The following AGBL4 variants were observed in gnomAD, a reference collection of about 807,000 sequenced individuals.
The protein encoded by AGBL4 is AGBL carboxypeptidase 4.
Under a neutral mutation model 66.4 loss-of-function variants are expected in AGBL4, and 58 were observed. The ratio of observed to expected loss-of-function variants is 0.87; its 90% CI spans 0.71 to 1.09. The LOEUF (loss-of-function observed/expected upper bound fraction) is 1.09. AGBL4 is among the 50% of genes least tolerant of loss of function. The pLI, the probability that AGBL4 is intolerant of heterozygous loss-of-function variation, is 0.00. For synonymous variants in AGBL4, 234 were observed against 222.9 expected (o/e 1.05, Z -0.44); for missense variants, 579 against 631.0 (o/e 0.92, Z 0.88).
intron 5 of AGBL4, among the ~76,000 whole-genome samples, chr1:49,041,773 G>A (rs1643948825): frequency 6.6e-6 from 1 of 152,048 alleles, no homozygotes; most frequent in Admixed American, 6.6e-5. Flanking sequence ...TGAAAATCAG[G>A]GCTTTCCAGA....
At chr1:49,387,559 C>A (rs772871606) in intron 3 of AGBL4, among the ~76,000 whole-genome samples, 5 of 151,764 alleles carry the variant, frequency 3.3e-5, no homozygotes, top group Admixed American at 6.6e-5. Flanking sequence ...TAATAGATAC[C>A]CAAACTGAAA....
intron 3 of AGBL4, among the ~76,000 whole-genome samples, chr1:49,673,748 A>T (rs1646525916): frequency 6.6e-6 from 1 of 152,078 alleles, no homozygotes. Flanking sequence ...GTAACAAATA[A>T]AATGGCCTCC....
chr1:49,405,770 G>A (rs1645182840), intron 3 of AGBL4, among the ~76,000 whole-genome samples: 1 of 152,196 alleles, frequency 6.6e-6, no homozygotes, highest in African/African-American at 2.4e-5. Flanking sequence ...AATATCATGG[G>A]TGTGTGGAAG....
intron 3 of AGBL4, among the ~76,000 whole-genome samples, chr1:49,470,544 G>A (rs563547453): frequency 6.6e-6 from 1 of 152,060 alleles, no homozygotes; most frequent in East Asian, 1.9e-4. Flanking sequence ...GACTCTGGAG[G>A]CAGAGCTAGG....
At chr1:48,880,082 G>A (rs1649632132) in intron 5 of AGBL4, among the ~76,000 whole-genome samples, 1 of 152,126 alleles carries the variant, frequency 6.6e-6, no homozygotes, top group Non-Finnish European at 1.5e-5. Context: ...AGTATACACT[G>A]AACTCTGTTT....
At chr1:49,982,079 G>A (rs1268276577) in intron 1 of AGBL4, among the ~76,000 whole-genome samples, 1 of 152,204 alleles carries the variant, frequency 6.6e-6, no homozygotes, top group Non-Finnish European at 1.5e-5. Flanking sequence ...TTCTTAATGT[G>A]AGAATTTTTT....
At chr1:49,743,651 C>T (rs544000468) in intron 2 of AGBL4, among the ~76,000 whole-genome samples, 1 of 152,026 alleles carries the variant, frequency 6.6e-6, no homozygotes, top group East Asian at 1.9e-4. Flanking sequence ...TTGGAACCAA[C>T]CCAAATGTCC....
intron 1 of AGBL4, among the ~76,000 whole-genome samples, chr1:49,991,845 T>C (rs1025566743): frequency 6.6e-6 from 1 of 152,144 alleles, no homozygotes; most frequent in African/African-American, 2.4e-5. Flanking sequence ...GTCAACTAGA[T>C]CTGAATTAGT....
At chr1:48,794,988 G>A (rs1047295234) in intron 6 of AGBL4, among the ~76,000 whole-genome samples, 4 of 152,100 alleles carry the variant, frequency 2.6e-5, no homozygotes, top group Admixed American at 2.6e-4. Context: ...TCCACCCAAA[G>A]ATCAGGTTAG....
chr1:48,651,652 G>A (rs1407147679), intron 8 of AGBL4, among the ~76,000 whole-genome samples: 1 of 152,220 alleles, frequency 6.6e-6, no homozygotes, highest in African/African-American at 2.4e-5. Flanking sequence ...AAGCAAAACT[G>A]TCTTTAATGA....
At chr1:49,696,907 G>A (rs901666742) in intron 3 of AGBL4, among the ~76,000 whole-genome samples, 1 of 152,152 alleles carries the variant, frequency 6.6e-6, no homozygotes, top group African/African-American at 2.4e-5. Flanking sequence ...TTGTACAGAA[G>A]AAAAGCTTCT....
chr1:49,024,569 A>G (rs1299704450), intron 5 of AGBL4, among the ~76,000 whole-genome samples: 1 of 152,110 alleles, frequency 6.6e-6, no homozygotes, highest in Non-Finnish European at 1.5e-5. Flanking sequence ...CCCCATCTTC[A>G]AAGTGGGGAA....
At chr1:49,147,121 G>T (rs183860678) in intron 4 of AGBL4, among the ~76,000 whole-genome samples, 2 of 152,152 alleles carry the variant, frequency 1.3e-5, no homozygotes, top group Non-Finnish European at 2.9e-5. Context: ...GTGGTGGGGT[G>T]GGGGAGGAGA....
chr1:48,933,044 G>T (rs1027457549), intron 5 of AGBL4, among the ~76,000 whole-genome samples: 1 of 151,736 alleles, frequency 6.6e-6, no homozygotes, highest in Non-Finnish European at 1.5e-5. Context: ...TATGTGGTTT[G>T]CTTTAAAGAA....
intron 5 of AGBL4, among the ~76,000 whole-genome samples, chr1:48,975,554 T>A (rs1418414540): frequency 6.6e-6 from 1 of 152,112 alleles, no homozygotes; most frequent in East Asian, 1.9e-4. Flanking sequence ...AGATGAAACA[T>A]CTGACTCTGG....
chr1:48,899,493 A>C (rs1651883376), intron 5 of AGBL4, among the ~76,000 whole-genome samples: 1 of 151,838 alleles, frequency 6.6e-6, no homozygotes, highest in Admixed American at 6.6e-5. Context: ...GTGGAAATGC[A>C]TAAATTGTTG....
chr1:48,992,353 C>T (rs778933179), intron 5 of AGBL4, among the ~76,000 whole-genome samples: 8 of 151,754 alleles, frequency 5.3e-5, no homozygotes, highest in Non-Finnish European at 1.2e-4. Context: ...AATGGAGTCA[C>T]TCTCTCTCTC....
At position 48,765,656 on chromosome 1, in the gene AGBL4, A is replaced by G. The variant is rs12062094; in HGVS notation, c.634+101535T>C. 2.2e-3 allele frequency among the ~76,000 whole-genome samples: 338 copies of G among 152,340 alleles called. 5 individuals are homozygous for G. Among genetic ancestry groups the G allele is most frequent in the African/African-American group, 7.1e-3 (294 of 41,568 alleles). On this transcript the variant is annotated intron_variant, in intron 6 of 13. Coordinates refer to ENST00000371839, the MANE Select transcript of AGBL4 (RefSeq NM_032785.4). ...TTATTCATTAACAGCCAAAAGGTGG[A>G]AAAAAACCCAACTGTCCATCAACTT...
At chr1:49,524,006 A>G (rs939456603) in intron 3 of AGBL4, among the ~76,000 whole-genome samples, 2 of 151,870 alleles carry the variant, frequency 1.3e-5, no homozygotes, top group Non-Finnish European at 2.9e-5. Context: ...AGCACTAACA[A>G]TTTCTTGAGT....
Sources: allele counts gnomAD v4.1 joint callset (sites outside exome capture counted in the v4.1 genomes callset), GRCh38; gene constraint gnomAD v4.1.1; transcripts MANE v1.5; gene names NCBI Gene and HGNC (gene_info 2026-07-23, HGNC 2026-07-21).